FBXL17: variants seen among roughly 807,000 people sequenced by gnomAD.
FBXL17 encodes the protein F-box and leucine rich repeat protein 17, also known as F-box/LRR-repeat protein 17.
A neutral mutation model predicts 66.2 loss-of-function variants in FBXL17; 22 were observed. The ratio of observed to expected loss-of-function variants is 0.33; its 90% CI spans 0.24 to 0.47. FBXL17 has a LOEUF of 0.47. FBXL17 is among the 20% of genes least tolerant of loss of function. The pLI, the probability that FBXL17 is intolerant of heterozygous loss-of-function variation, is 1.00. For missense variants in FBXL17, 878 were observed against 948.2 expected (o/e 0.93, Z 0.97); for synonymous variants, 474 against 400.5 (o/e 1.18, Z -2.19).
intron 6 of FBXL17, among the ~76,000 whole-genome samples, chr5:108,110,411 A>G (rs2149952233): frequency 7.9e-6 from 1 of 126,646 alleles, no homozygotes; most frequent in South Asian, 3.6e-4. Context: ...GGTACATCAC[A>G]GCTATGTCAT....
intron 1 of FBXL17, among the ~76,000 whole-genome samples, chr5:108,369,266 T>A (rs1482493820): frequency 6.6e-6 from 1 of 152,218 alleles, no homozygotes; most frequent in Non-Finnish European, 1.5e-5. Flanking sequence ...TGCAACCTTT[T>A]ATCTTTTACC....
intron 6 of FBXL17, among the ~76,000 whole-genome samples, chr5:108,097,785 G>A (rs372507277): frequency 2.2e-4 from 32 of 143,640 alleles, no homozygotes; most frequent in Non-Finnish European, 1.7e-4. Flanking sequence ...CGAGACTCCA[G>A]AAAAAAAAAA....
At chr5:108,278,241 T>C (rs938363866) in intron 4 of FBXL17, among the ~76,000 whole-genome samples, 3 of 152,128 alleles carry the variant, frequency 2.0e-5, no homozygotes, top group Non-Finnish European at 4.4e-5. Context: ...GCTAGAAGAC[T>C]GTGAAAAGGA....
chr5:108,260,315 T>C (rs1756759968), intron 4 of FBXL17, among the ~76,000 whole-genome samples: 1 of 152,016 alleles, frequency 6.6e-6, no homozygotes, highest in African/African-American at 2.4e-5. Flanking sequence ...GGAGATTGGG[T>C]GGTTCCTATA....
chr5:108,052,666 T>C (rs1747530581), intron 6 of FBXL17, among the ~76,000 whole-genome samples: 2 of 152,144 alleles, frequency 1.3e-5, no homozygotes, highest in African/African-American at 2.4e-5. Context: ...CAAACTACCA[T>C]TGACATTCTT....
chr5:107,905,545 A>T (rs1403953928), intron 7 of FBXL17, among the ~76,000 whole-genome samples: 1 of 152,200 alleles, frequency 6.6e-6, no homozygotes, highest in Non-Finnish European at 1.5e-5. Flanking sequence ...CTGAGTATAT[A>T]TTGTGAAAAA....
chr5:108,212,512 CTT>C (rs1754420307), intron 5 of FBXL17, among the ~76,000 whole-genome samples: 1 of 151,778 alleles, frequency 6.6e-6, no homozygotes, highest in East Asian at 1.9e-4. Flanking sequence ...TGAATGGGGT[CTT>C]TGAGTCGACA....
intron 6 of FBXL17, among the ~76,000 whole-genome samples, chr5:108,122,895 A>C (rs531179675): frequency 9.2e-5 from 14 of 152,114 alleles, no homozygotes; most frequent in South Asian, 2.1e-4. Flanking sequence ...GATTACTGGC[A>C]GTGCTATCGC....
intron 7 of FBXL17, among the ~76,000 whole-genome samples, chr5:107,964,607 G>C (rs1752046916): frequency 6.6e-6 from 1 of 151,982 alleles, no homozygotes; most frequent in Non-Finnish European, 1.5e-5. Context: ...ATTATCATTA[G>C]TACACAGTTA....
At chr5:108,042,084 G>C (rs1299087096) in intron 6 of FBXL17, among the ~76,000 whole-genome samples, 1 of 151,948 alleles carries the variant, frequency 6.6e-6, no homozygotes, top group Non-Finnish European at 1.5e-5. Flanking sequence ...TAGTAGAGAG[G>C]GGGTTTCTCC....
At position 108,009,263 on chromosome 5, in the gene FBXL17, ATATATATATATATATATATAT is replaced by A. The variant is rs1754069204; in HGVS notation, c.1822+11641_1822+11661del. ...TTGGTCGTGAGTTGTTCCCTGTTTT[ATATATATATATATATATATAT>A]ATATATATATATATATACATATATA... On this transcript the variant is annotated intron_variant, in intron 7 of 8. Coordinates refer to ENST00000542267, the MANE Select transcript of FBXL17 (RefSeq NM_001163315.3). Among the ~76,000 whole-genome samples, 17 of 36,458 alleles carry A rather than the reference ATATATATATATATATATATAT, an allele frequency of 4.7e-4. 5 individuals are homozygous for A. The highest frequency in any genetic ancestry group is 2.0e-3 in the African/African-American group (16 of 8,018). The allele number at this position is 36,458 out of a possible 152,430, so 23.9% of individuals were successfully genotyped here. A position where few individuals can be genotyped will look rare whatever the true frequency, so the allele number is the denominator to read the frequency against.
chr5:107,963,259 T>C (rs906174644), intron 7 of FBXL17, among the ~76,000 whole-genome samples: 3 of 152,150 alleles, frequency 2.0e-5, no homozygotes, highest in Admixed American at 2.0e-4. Flanking sequence ...TGAGGGCCTA[T>C]TGTGAGCCAG....
chr5:108,117,395 T>G (rs931078869), intron 6 of FBXL17, among the ~76,000 whole-genome samples: 4 of 152,172 alleles, frequency 2.6e-5, no homozygotes, highest in African/African-American at 9.7e-5. Context: ...GCTAACTGAT[T>G]GCTAATTAAG....
At chr5:108,154,606 A>AAT (rs1204231735) in intron 6 of FBXL17, among the ~76,000 whole-genome samples, 2,367 of 96,610 alleles carry the variant, frequency 0.025, 63 homozygotes, top group East Asian at 0.058. Flanking sequence ...AAAAAAAAAA[A>AAT]ATATATATAT....
At chr5:108,045,948 T>G (rs1330013770) in intron 6 of FBXL17, among the ~76,000 whole-genome samples, 1 of 152,156 alleles carries the variant, frequency 6.6e-6, no homozygotes. Context: ...TTGGTTGGAG[T>G]GTTCTATAAA....
chr5:108,018,770 T>C (rs753694171), intron 7 of FBXL17, among the ~76,000 whole-genome samples: 1 of 152,142 alleles, frequency 6.6e-6, no homozygotes, highest in Non-Finnish European at 1.5e-5. Context: ...AAATTTTCAC[T>C]TCCGATTCCG....
At chr5:108,229,530 C>T (rs986785775) in intron 4 of FBXL17, among the ~76,000 whole-genome samples, 2 of 152,132 alleles carry the variant, frequency 1.3e-5, no homozygotes, top group African/African-American at 4.8e-5. Flanking sequence ...GAGAATGAAA[C>T]TGGATCCTCA....
chr5:108,207,843 T>C (rs1486813988), intron 5 of FBXL17, among the ~76,000 whole-genome samples: 4 of 152,194 alleles, frequency 2.6e-5, no homozygotes, highest in Admixed American at 2.6e-4. Context: ...TACCCAGTAA[T>C]GGGATTGCTG....
rs146508398 is a variant in FBXL17, at chr5:108,065,952, C to G, written c.1746-44951G>C. ...ACAAAACAAAACAAAACCCCCAAAA[C>G]TAATGGTACATGAGTACCTGGGGAA... On this transcript the variant is annotated intron_variant, in intron 6 of 8. Transcript: ENST00000542267. 1.7e-3 allele frequency among the ~76,000 whole-genome samples: 255 copies of G among 152,216 alleles called. 1 individual carries two copies. The highest frequency in any genetic ancestry group is 5.7e-3 in the African/African-American group (237 of 41,540).
Sources: gnomAD v4.1 joint callset for allele counts (sites outside exome capture counted in the v4.1 genomes callset) on GRCh38, gnomAD v4.1.1 for gene constraint, MANE v1.5 for transcripts, NCBI Gene and HGNC (gene_info 2026-07-23, HGNC 2026-07-21) for gene names.